ADK: variants seen among roughly 807,000 people sequenced by gnomAD.
ADK encodes adenosine kinase, also known as N6,N6-dimethyladenosine kinase.
Under a neutral mutation model 44.7 loss-of-function variants are expected in ADK, and 24 were observed. That is an observed-to-expected ratio of 0.54 (90% CI 0.39 to 0.76). The LOEUF is 0.76. Among genes scored for constraint, ADK ranks in the 30% least tolerant of loss-of-function variants. The pLI, the probability that ADK is intolerant of heterozygous loss-of-function variation, is 0.00. For synonymous variants in ADK, 128 were observed against 142.6 expected, an observed-to-expected ratio of 0.90 and a Z score of 0.73; for missense variants, 321 against 425.1, an observed-to-expected ratio of 0.76 and a Z score of 2.15.
At chr10:74,223,249 T>C (rs1262248763) in intron 2 of ADK, among the ~76,000 whole-genome samples, 3 of 152,064 alleles carry the variant, frequency 2.0e-5, no homozygotes, top group South Asian at 4.1e-4. Flanking sequence ...TAATGGTAGC[T>C]CAGGTCTCTT....
intron 6 of ADK, among the ~76,000 whole-genome samples, chr10:74,520,481 C>A (rs1472394007): frequency 3.3e-5 from 5 of 151,714 alleles, no homozygotes; most frequent in Non-Finnish European, 7.4e-5. Context: ...CATACACATA[C>A]CCCTATTCCT....
chr10:74,608,302 AG>A (rs1214489945), intron 9 of ADK, among the ~76,000 whole-genome samples: 1 of 151,724 alleles, frequency 6.6e-6, no homozygotes, highest in African/African-American at 2.4e-5. Flanking sequence ...CCTTTGGAGG[AG>A]AAGAGGCATT....
chr10:74,420,149 C>T lies in ADK; in HGVS notation c.555+21570C>T, dbSNP rs186717015. On this transcript the variant is annotated intron_variant, in intron 6 of 10. Transcript: ENST00000539909. ...GTTAACTACTTCCTCCAGATAATAC[C>T]GCCTTTTGGGACATGATTCTCACAA... 3.0e-3 allele frequency among the ~76,000 whole-genome samples: 451 copies of T among 152,172 alleles called. 2 individuals are homozygous for T. The highest frequency in any genetic ancestry group is 0.01 in the African/African-American group (432 of 41,524).
rs576099889 is a variant in ADK, at chr10:74,317,490, C to T, written c.273+2745C>T. Reference sequence around the variant, plus strand: ...CCTGTAATCCCAGCATTTTGAGAGGCTAAGTTAGGAGAATCGCTTGAGTCC... The same window carrying T: ...CCTGTAATCCCAGCATTTTGAGAGGTTAAGTTAGGAGAATCGCTTGAGTCC... On this transcript the variant is annotated intron_variant, in intron 4 of 10. Transcript: ENST00000539909. Among the ~76,000 whole-genome samples, 344 of 149,982 alleles carry T rather than the reference C, an allele frequency of 2.3e-3. 15 individuals carry two copies. Among genetic ancestry groups the T allele is most frequent in the Non-Finnish European group, 1.5e-3 (104 of 67,742 alleles).
intron 6 of ADK, among the ~76,000 whole-genome samples, chr10:74,442,467 G>A (rs1039771667): frequency 3.9e-5 from 6 of 152,108 alleles, no homozygotes; most frequent in Non-Finnish European, 8.8e-5. Flanking sequence ...CCAACATGAT[G>A]AAACCCCATC....
intron 9 of ADK, among the ~76,000 whole-genome samples, chr10:74,643,185 T>G (rs574810889): frequency 4.6e-5 from 7 of 152,262 alleles, no homozygotes; most frequent in African/African-American, 1.4e-4. Flanking sequence ...AGGGGTCATC[T>G]TATCTCATTC....
chr10:74,323,981 T>C (rs1023660123), intron 4 of ADK, among the ~76,000 whole-genome samples: 3 of 152,148 alleles, frequency 2.0e-5, no homozygotes, highest in Admixed American at 6.6e-5. Context: ...CCCCAGACAG[T>C]CACTTATCCA....
chr10:74,423,677 C>T, intron 6 of ADK: 2 of 438,398 alleles, frequency 4.6e-6, no homozygotes, highest in Non-Finnish European at 4.6e-6. Context: ...GCCTTGTTAC[C>T]CACAAGTACA....
intron 7 of ADK, among the ~76,000 whole-genome samples, chr10:74,559,148 A>G (rs966242523): frequency 2.0e-5 from 3 of 152,192 alleles, no homozygotes; most frequent in Non-Finnish European, 4.4e-5. Context: ...GGGGGCCTGC[A>G]GTTGCCACCC....
chr10:74,172,697 A>T (rs1268776315), intron 1 of ADK, among the ~76,000 whole-genome samples: 2 of 151,010 alleles, frequency 1.3e-5, no homozygotes, highest in African/African-American at 2.4e-5. Flanking sequence ...CTCAAAAAAA[A>T]AAAAAAAAAA....
intron 6 of ADK, among the ~76,000 whole-genome samples, chr10:74,499,099 T>C (rs1847796224): frequency 6.6e-6 from 1 of 152,218 alleles, no homozygotes; most frequent in African/African-American, 2.4e-5. Flanking sequence ...TCACCCAGGC[T>C]GGATTGCAGT....
intron 4 of ADK, among the ~76,000 whole-genome samples, chr10:74,379,190 G>A (rs112000737): frequency 1.9e-3 from 287 of 152,280 alleles, no homozygotes; most frequent in African/African-American, 6.6e-3. Flanking sequence ...ACAGCTCTAT[G>A]TGCGTGGAGT....
At chr10:74,541,950 A>G (rs1849656370) in intron 7 of ADK, among the ~76,000 whole-genome samples, 1 of 152,154 alleles carries the variant, frequency 6.6e-6, no homozygotes, top group Admixed American at 6.5e-5. Context: ...CTTCAAAGTT[A>G]CTATTTCTGG....
chr10:74,280,415 AACACAC>A (rs71021599), intron 3 of ADK, among the ~76,000 whole-genome samples: 21 of 144,436 alleles, frequency 1.5e-4, no homozygotes, highest in East Asian at 1.2e-3. Flanking sequence ...AACAAGTTTA[AACACAC>A]ACACACACAC....
At chr10:74,485,108 A>G (rs1847218792) in intron 6 of ADK, among the ~76,000 whole-genome samples, 1 of 152,228 alleles carries the variant, frequency 6.6e-6, no homozygotes. Flanking sequence ...GCCACTGAGT[A>G]GGAGAAGACA....
chr10:74,228,725 G>T (rs536036468), intron 3 of ADK, among the ~76,000 whole-genome samples: 71 of 152,230 alleles, frequency 4.7e-4, no homozygotes, highest in African/African-American at 1.7e-3. Context: ...TCTATTTTAT[G>T]AATATATAAA....
At chr10:74,190,476 C>T (rs913786585) in intron 1 of ADK, among the ~76,000 whole-genome samples, 2 of 152,334 alleles carry the variant, frequency 1.3e-5, no homozygotes, top group South Asian at 2.1e-4. Flanking sequence ...CTTTTCAAAA[C>T]TCCCTATGGA....
intron 4 of ADK, among the ~76,000 whole-genome samples, chr10:74,361,199 C>T (rs577004406): frequency 1.2e-4 from 19 of 152,292 alleles, no homozygotes; most frequent in East Asian, 5.8e-4. Context: ...CCACTGCGCC[C>T]GGCCTATCCT....
chr10:74,695,629 T>G lies in ADK; in HGVS notation c.965-12692T>G, dbSNP rs953268249. Among the ~76,000 whole-genome samples, 14 of 150,568 alleles carry G rather than the reference T, an allele frequency of 9.3e-5. No individual in the cohort carries two copies. The East Asian group carries it at 1.4e-3, about 15-fold the overall frequency. On this transcript the variant is annotated intron_variant, in intron 10 of 10. Coordinates refer to ENST00000539909, the MANE Select transcript of ADK (RefSeq NM_006721.4). The stretch of plus-strand genomic sequence containing the variant: ...CCTGTGTATGTGTGGGGTGTGTGTG[T>G]GTGTGTGTGTGTGTGTGTGTGTGTG...
Sources: gnomAD v4.1 joint callset for allele counts (sites outside exome capture counted in the v4.1 genomes callset) on GRCh38, gnomAD v4.1.1 for gene constraint, MANE v1.5 for transcripts, NCBI Gene and HGNC (gene_info 2026-07-23, HGNC 2026-07-21) for gene names.